The following GEN1 variants were observed in gnomAD, a reference collection of about 807,000 sequenced individuals.
GEN1 encodes GEN1 structure-specific endonuclease.
In GEN1, 64 loss-of-function variants were observed where a neutral mutation model predicts 67.6. The ratio of observed to expected loss-of-function variants is 0.95; its 90% CI spans 0.77 to 1.17. The LOEUF (loss-of-function observed/expected upper bound fraction) is 1.17. Ranked by LOEUF, GEN1 falls within the 50% of genes most tolerant of loss-of-function variation. The pLI is 0.00. For missense variants in GEN1, 1,058 were observed against 1,048.3 expected (o/e 1.01, Z -0.13); for synonymous variants, 371 against 359.4 (o/e 1.03, Z -0.37).
chr2:17,760,147 C>T (rs1484761660), intron 2 of GEN1, 43 bp downstream of exon 2: 3 of 1,530,794 alleles, frequency 2.0e-6, no homozygotes. Flanking sequence ...GATGTATAAA[C>T]AGTCTTGGTA....
rs1257940522 is a variant in GEN1 at position 17,778,473 on chromosome 2, C to T, written c.1264+410C>T. On this transcript the variant is annotated intron_variant, in intron 12 of 13. Coordinates refer to ENST00000381254, the MANE Select transcript of GEN1 (RefSeq NM_001130009.3). ...ATGTGTGTACATATATGTATATACA[C>T]ACACAGCATGTGTGTGAAAAATAAA... Among the ~76,000 whole-genome samples, 2 of 143,604 alleles carry T rather than the reference C, an allele frequency of 1.4e-5. 1 individual carries two copies. Among genetic ancestry groups the T allele is most frequent in the Admixed American group, 1.4e-4 (2 of 14,386 alleles). 94.2% of individuals were successfully genotyped at this position (143,604 alleles called of 152,430 possible). A position where few individuals can be genotyped will look rare whatever the true frequency, so the allele number is the denominator to read the frequency against.
At chr2:17,769,866 T>C (rs1004904263) in intron 6 of GEN1, among the ~76,000 whole-genome samples, 1 of 152,122 alleles carries the variant, frequency 6.6e-6, no homozygotes, top group Non-Finnish European at 1.5e-5. Context: ...CTGGGAAACT[T>C]AAAACAGTCT....
chr2:17,771,049 T>TCAAA, intron 6 of GEN1, 147 bp from the exon 7 acceptor site: 1 of 683,724 alleles, frequency 1.5e-6, no homozygotes, highest in Non-Finnish European at 2.7e-6. Context: ...CTGAGGGTTT[T>TCAAA]CCCACACTAG....
intron 5 of GEN1, 30 bp downstream of exon 5, chr2:17,766,719 A>C (rs1354095502): frequency 1.6e-6 from 2 of 1,223,342 alleles, no homozygotes; most frequent in Middle Eastern, 1.9e-4. Flanking sequence ...TTTATTTGCT[A>C]TTCATAAAGT....
rs778575832 is a variant in GEN1 at position 17,760,104 on chromosome 2, G to C, written c.161G>C (p.Arg54Thr). 6.2e-7 allele frequency: 1 copy of C among 1,613,448 alleles called. No homozygotes were observed. The change falls in exon 2 of 14, where the codon AGG becomes ACG. Residue 54 changes from arginine (R) to threonine (T), a missense_variant and splice_region_variant. Physicochemically the swap from Arg to Thr is moderately conservative, Grantham distance 71 (BLOSUM62 -1). Coordinates refer to ENST00000381254, the MANE Select transcript of GEN1 (RefSeq NM_001130009.3). ...MMGSVMKPHL[R>T]NLFFRISYLT... ...GGCAGCGTCATGAAGCCCCACCTCA[G>C]GTATAGTAAAAGCTCTTACAGTATA...
chr2:17,773,910 T>G (rs1672308999), intron 10 of GEN1, among the ~76,000 whole-genome samples: 1 of 152,080 alleles, frequency 6.6e-6, no homozygotes, highest in Non-Finnish European at 1.5e-5. Flanking sequence ...ACAGCCAACA[T>G]TTGTTAGACA....
At chr2:17,774,427 G>T in intron 11 of GEN1, 26 bp downstream of exon 11, 1 of 1,543,382 alleles carries the variant, frequency 6.5e-7, no homozygotes, top group Non-Finnish European at 8.7e-7. Context: ...GTATGGTGAA[G>T]GTGGTGTTTT....
Position 17,768,782 on chromosome 2 carries a change from G to C in GEN1, c.681G>C (p.Gln227His). ...AAGAGCAAGCATTAAAACTTATACA[G>C]ATTTTGAAAGGGCAAAGTTTACTTC... ...VGKEQALKLI[Q>H]ILKGQSLLQR... is the part of the protein sequence containing the mutation. The change falls in exon 6 of 14, where the codon CAG (glutamine) becomes CAC (histidine). Residue 227 changes from glutamine to histidine, a missense_variant. Physicochemically the swap from Gln to His is conservative, Grantham distance 24. Transcript: ENST00000381254. 6.2e-7 allele frequency: 1 copy of C among 1,610,728 alleles called. No homozygotes were observed. The highest frequency in any genetic ancestry group is 8.5e-7 in the Non-Finnish European group (1 of 1,177,802).
Position 17,760,054 on chromosome 2 carries a change from G to A in GEN1, c.111G>A (p.Glu37=), listed in dbSNP as rs1231154607. 1.9e-6 allele frequency: 3 copies of A among 1,613,884 alleles called. No homozygotes were observed. Among genetic ancestry groups the A allele is most frequent in the East Asian group, 2.2e-5 (1 of 44,874 alleles). Residue 37 remains glutamate, a synonymous_variant, in exon 2 of 14, where the codon GAG becomes GAA. Coordinates refer to ENST00000381254, the MANE Select transcript of GEN1 (RefSeq NM_001130009.3). ...TTGATCTGAGTCTCTGGGTGTGTGA[G>A]GCACAGACAGTCAAAAAAATGATGG... The part of the protein sequence containing the change: ...IAVDLSLWVC[E]AQTVKKMMGS...
In GEN1 at chr2:17,781,302, C is replaced by T. The variant is rs1553332530; in HGVS notation, c.2090C>T (p.Thr697Ile). The T allele has an allele frequency of 1.2e-6, 2 of 1,613,778 alleles. No homozygotes were observed. Among genetic ancestry groups the T allele is most frequent in the Non-Finnish European group, 1.7e-6 (2 of 1,179,738 alleles). Residue 697 changes from threonine (T) to isoleucine (I), a missense_variant, in exon 14 of 14, where the codon ACT (threonine) becomes ATT (isoleucine). Transcript: ENST00000381254. ...CTACAACCAGATGTCAACCTGAAAA[C>T]TTTGTCCATACTTAGTGTAAAAGAA... ...DNLQPDVNLK[T>I]LSILSVKESC...
chr2:17,762,347 G>T (rs1256577265), intron 3 of GEN1, among the ~76,000 whole-genome samples: 1 of 150,820 alleles, frequency 6.6e-6, no homozygotes, highest in Non-Finnish European at 1.5e-5. Context: ...GACTACAGGC[G>T]CCCGCCACCA....
chr2:17,771,844 C>G (rs1672204928), intron 7 of GEN1, among the ~76,000 whole-genome samples: 1 of 150,386 alleles, frequency 6.6e-6, no homozygotes, highest in Admixed American at 6.6e-5. Context: ...CTTTCATTCC[C>G]AAAAGAGATT....
chr2:17,766,663 C>T lies in GEN1; in HGVS notation c.610C>T (p.Leu204Phe). 6.3e-7 allele frequency: 1 copy of T among 1,598,416 alleles called. No individual in the cohort carries two copies. Among genetic ancestry groups the T allele is most frequent in the Non-Finnish European group, 8.6e-7 (1 of 1,166,258 alleles). ...AGATGCTCTGGTTGGATTAGCAATA[C>T]TTCTTGGCTGTGATTATCTCCCAAA... Reference protein sequence around the residue: ...DRDALVGLAILLGCDYLPKGV... With the variant: ...DRDALVGLAIFLGCDYLPKGV... Residue 204 changes from leucine to phenylalanine, a missense_variant, in exon 5 of 14, where the codon CTT (leucine) becomes TTT (phenylalanine). Transcript: ENST00000381254.
chr2:17,766,947 T>C (rs1036763263), intron 5 of GEN1, among the ~76,000 whole-genome samples: 1 of 152,250 alleles, frequency 6.6e-6, no homozygotes, highest in Non-Finnish European at 1.5e-5. Flanking sequence ...ACTGTTACTC[T>C]AGATTAAGAG....
rs115591812 is a variant in GEN1, at chr2:17,773,130, G to A, written c.988G>A (p.Glu330Lys). ...ACCCEGFPFH[E>K]VIQEFLLNKD... ...CTGTTGTGAGGGATTCCCATTCCATGAGGTAATATCCAGTAATTCAACTCT... is the reference window on the plus strand; with the variant it reads ...CTGTTGTGAGGGATTCCCATTCCATAAGGTAATATCCAGTAATTCAACTCT... Residue 330 changes from glutamate to lysine, a missense_variant and splice_region_variant, in exon 9 of 14, where the codon GAG becomes AAG. Coordinates refer to ENST00000381254, the MANE Select transcript of GEN1 (RefSeq NM_001130009.3). 8,282 of 1,581,948 alleles carry A rather than the reference G, an allele frequency of 5.2e-3. 65 individuals are homozygous for A. The highest frequency in any genetic ancestry group is 0.023 in the South Asian group (2,037 of 89,812).
rs1345761714 is a variant in GEN1 at position 17,761,386 on chromosome 2, T to C, written c.162-10T>C. The C allele has an allele frequency of 4.2e-6, 6 of 1,437,326 alleles. No homozygotes were observed. The highest frequency in any genetic ancestry group is 3.5e-4 in the Middle Eastern group (2 of 5,696). The allele number at this position is 1,437,326 out of a possible 1,614,324, so 89.0% of individuals were successfully genotyped here. On this transcript the variant is annotated splice_polypyrimidine_tract_variant and intron_variant, in intron 2 of 13. Coordinates refer to ENST00000381254, the MANE Select transcript of GEN1 (RefSeq NM_001130009.3). ...TGATGATTAATGTATTACTAATTTA[T>C]ATATTTCAGGAACTTATTTTTTCGT...
Position 17,788,937 on chromosome 2 carries a change from G to C in GEN1, c.*6998G>C, listed in dbSNP as rs1393258286. On this transcript the variant is annotated 3_prime_UTR_variant, in exon 14 of 14. Transcript: ENST00000381254. ...TTTTATTAAACTGAAAATGCTAACT[G>C]TGAATGCCAGATGCCAGATGCCAGA... 1 of 152,214 alleles carries C rather than the reference G, an allele frequency of 6.6e-6. No homozygotes were observed. Among genetic ancestry groups the C allele is most frequent in the Admixed American group, 6.5e-5 (1 of 15,276 alleles). 9.4% of individuals were successfully genotyped at this position (152,214 alleles called of 1,614,324 possible). A position where few individuals can be genotyped will look rare whatever the true frequency, so the allele number is the denominator to read the frequency against.
chr2:17,756,999 G>A (rs1260021012), intron 1 of GEN1, among the ~76,000 whole-genome samples: 1 of 152,234 alleles, frequency 6.6e-6, no homozygotes, highest in Non-Finnish European at 1.5e-5. Flanking sequence ...GAGATTTGGA[G>A]TTAATTGCGT....
chr2:17,781,900 T>C lies in GEN1; in HGVS notation c.2688T>C (p.Pro896=), dbSNP rs2125182656. 1 of 1,571,676 alleles carries C rather than the reference T, an allele frequency of 6.4e-7. No homozygotes were observed. The highest frequency in any genetic ancestry group is 2.2e-5 in the East Asian group (1 of 44,626). The change falls in exon 14 of 14, where the codon CCT becomes CCC. Residue 896 remains proline, a synonymous_variant. Coordinates refer to ENST00000381254, the MANE Select transcript of GEN1 (RefSeq NM_001130009.3). ...NSGTCLDSPL[P]LRQRLKLRFQ... ...GTACTTGTTTGGATAGCCCTCTTCCTTTACGCCAGAGATTAAAACTAAGAT... is the reference window on the plus strand; with the variant it reads ...GTACTTGTTTGGATAGCCCTCTTCCCTTACGCCAGAGATTAAAACTAAGAT...
Sources: gnomAD v4.1 joint callset for allele counts (sites outside exome capture counted in the v4.1 genomes callset) on GRCh38, gnomAD v4.1.1 for gene constraint, MANE v1.5 for transcripts, NCBI Gene and HGNC (gene_info 2026-07-23, HGNC 2026-07-21) for gene names.